Variants in TRAF3IP1 observed in about 807,000 individuals in gnomAD.
TRAF3IP1 encodes TRAF3-interacting protein 1.
A neutral mutation model predicts 89.9 loss-of-function variants in TRAF3IP1; 53 were observed. The ratio of observed to expected loss-of-function variants is 0.59; its 90% CI spans 0.47 to 0.74. TRAF3IP1 has a LOEUF of 0.74. Among genes scored for constraint, TRAF3IP1 ranks in the 30% least tolerant of loss-of-function variants. TRAF3IP1 has a pLI of 0.00. For missense variants in TRAF3IP1, 806 were observed against 866.1 expected (o/e 0.93, Z 0.87); for synonymous variants, 311 against 322.1 (o/e 0.97, Z 0.37).
intron 15 of TRAF3IP1, among the ~76,000 whole-genome samples, chr2:238,390,240 G>T (rs760524424): frequency 5.3e-5 from 8 of 152,166 alleles, no homozygotes; most frequent in Non-Finnish European, 8.8e-5. Context: ...CCATGGTGAG[G>T]GTGCCACAAA....
Position 238,400,317 on chromosome 2 carries a change from A to G in TRAF3IP1, c.*1398A>G, listed in dbSNP as rs906202970. ...CACCGTGTTGACCAGGATGGTCTCCACCTCCTGACCTCGTGATCCGCCTGC... is the reference window on the plus strand; with the variant it reads ...CACCGTGTTGACCAGGATGGTCTCCGCCTCCTGACCTCGTGATCCGCCTGC... On this transcript the variant is annotated 3_prime_UTR_variant, in exon 17 of 17. Coordinates refer to ENST00000373327, the MANE Select transcript of TRAF3IP1 (RefSeq NM_015650.4). 1.3e-5 allele frequency: 2 copies of G among 151,978 alleles called. No individual in the cohort carries two copies. The highest frequency in any genetic ancestry group is 1.9e-4 in the East Asian group (1 of 5,178). The allele number at this position is 151,978 out of a possible 1,614,324, so 9.4% of individuals were successfully genotyped here. A position where few individuals can be genotyped will look rare whatever the true frequency, so the allele number is the denominator to read the frequency against.
chr2:238,365,131 TTAAA>T (rs1699820337), intron 15 of TRAF3IP1, among the ~76,000 whole-genome samples: 2 of 152,366 alleles, frequency 1.3e-5, no homozygotes, highest in African/African-American at 4.8e-5. Flanking sequence ...GATTTGAGTC[TTAAA>T]TTATTTCACT....
chr2:238,336,689 C>G (rs1698404370), intron 7 of TRAF3IP1, among the ~76,000 whole-genome samples: 1 of 152,140 alleles, frequency 6.6e-6, no homozygotes, highest in South Asian at 2.1e-4. Flanking sequence ...TGTTTGTTAA[C>G]TGCTTTACAT....
At position 238,350,848 on chromosome 2, in the gene TRAF3IP1, A is replaced by G. The variant is rs147097265; in HGVS notation, c.1451+1440A>G. 4.6e-3 allele frequency among the ~76,000 whole-genome samples: 698 copies of G among 152,066 alleles called. 5 individuals are homozygous for G. Among genetic ancestry groups the G allele is most frequent in the African/African-American group, 0.015 (632 of 41,448 alleles). On this transcript the variant is annotated intron_variant, in intron 12 of 16. Coordinates refer to ENST00000373327, the MANE Select transcript of TRAF3IP1 (RefSeq NM_015650.4). ...ACAGGCACTGGGGGGCACAGGCTGT[A>G]TTAAACAGGGCTCGGCTGTGCCAAG... is the stretch of plus-strand genomic sequence containing the variant.
rs139762062 is a variant in TRAF3IP1 at position 238,330,346 on chromosome 2, C to T, written c.915+1004C>T. On this transcript the variant is annotated intron_variant, in intron 5 of 16. Transcript: ENST00000373327. ...TCCTGTTGGTTTCAAACTGTTTTCT[C>T]AATGTGTGAATTCTTTCTGGACCCA... Among the ~76,000 whole-genome samples the T allele has an allele frequency of 2.0e-5, 3 of 152,320 alleles. No homozygotes were observed. In the East Asian group the frequency reaches 5.8e-4, roughly 29 times the overall value.
At chr2:238,324,658 G>T (rs528971071) in intron 1 of TRAF3IP1, among the ~76,000 whole-genome samples, 3 of 152,210 alleles carry the variant, frequency 2.0e-5, no homozygotes, top group African/African-American at 7.2e-5. Context: ...AGGCTGGAGT[G>T]CAGTGGTACG....
intron 5 of TRAF3IP1, 144 bp downstream of exon 5, chr2:238,329,486 A>G (rs1017172905): frequency 4.0e-6 from 3 of 747,750 alleles, no homozygotes; most frequent in African/African-American, 1.8e-5. Flanking sequence ...TGGATTCTCA[A>G]TAGAAACCCA....
intron 3 of TRAF3IP1, among the ~76,000 whole-genome samples, chr2:238,327,985 A>G (rs1231249777): frequency 6.6e-6 from 1 of 152,174 alleles, no homozygotes; most frequent in African/African-American, 2.4e-5. Flanking sequence ...TATCCACTCA[A>G]CTGTCAATGG....
At chr2:238,390,205 G>A (rs565789719) in intron 15 of TRAF3IP1, among the ~76,000 whole-genome samples, 2 of 152,324 alleles carry the variant, frequency 1.3e-5, no homozygotes, top group African/African-American at 2.4e-5. Context: ...GCCTAACTTG[G>A]AGAAACTGCC....
intron 12 of TRAF3IP1, among the ~76,000 whole-genome samples, chr2:238,349,960 A>G (rs1382004102): frequency 6.6e-6 from 1 of 152,092 alleles, no homozygotes; most frequent in South Asian, 2.1e-4. Flanking sequence ...AGTCCCAGCT[A>G]CTCAGGAGGC....
intron 15 of TRAF3IP1, among the ~76,000 whole-genome samples, chr2:238,378,993 C>G (rs1465493641): frequency 6.6e-6 from 1 of 152,212 alleles, no homozygotes; most frequent in African/African-American, 2.4e-5. Context: ...TTGGTGCCCT[C>G]TGTGGGACTC....
chr2:238,336,836 A>G (rs1162757490), intron 7 of TRAF3IP1, among the ~76,000 whole-genome samples: 2 of 152,204 alleles, frequency 1.3e-5, no homozygotes, highest in African/African-American at 2.4e-5. Flanking sequence ...AAGAAGGAAC[A>G]TAGCATGAAA....
intron 9 of TRAF3IP1, 52 bp from the exon 10 acceptor site, chr2:238,347,399 TAATG>T: frequency 6.3e-7 from 1 of 1,588,492 alleles, no homozygotes; most frequent in East Asian, 2.2e-5. Flanking sequence ...TCTCATCATT[TAATG>T]TATTGAGGTT....
chr2:238,396,364 A>C (rs1430325011), intron 15 of TRAF3IP1, among the ~76,000 whole-genome samples: 7 of 112,910 alleles, frequency 6.2e-5, no homozygotes, highest in Non-Finnish European at 8.3e-5. Flanking sequence ...GAACATCACA[A>C]TCCGGGGCCT....
rs568624946 is a variant in TRAF3IP1 at position 238,399,539 on chromosome 2, G to A, written c.*620G>A. On this transcript the variant is annotated 3_prime_UTR_variant, in exon 17 of 17. Coordinates refer to ENST00000373327, the MANE Select transcript of TRAF3IP1 (RefSeq NM_015650.4). Reference sequence around the variant, plus strand: ...AATTTTCCTCTTGATCTCTACTATCGTTTGCTTGTGTTTCTAGTCCTTAAA... The same window carrying A: ...AATTTTCCTCTTGATCTCTACTATCATTTGCTTGTGTTTCTAGTCCTTAAA... 3 of 151,936 alleles carry A rather than the reference G, an allele frequency of 2.0e-5. No homozygotes were observed. The highest frequency in any genetic ancestry group is 7.2e-5 in the African/African-American group (3 of 41,430). 9.4% of individuals were successfully genotyped at this position (151,936 alleles called of 1,614,324 possible).
At position 238,351,693 on chromosome 2, in the gene TRAF3IP1, A is replaced by G. The variant is rs894968095; in HGVS notation, c.1452-1134A>G. On this transcript the variant is annotated intron_variant, in intron 12 of 16. Coordinates refer to ENST00000373327, the MANE Select transcript of TRAF3IP1 (RefSeq NM_015650.4). The surrounding 1 kb of genome is among the most constrained non-coding windows in gnomAD (Gnocchi z 5.2). ...GAGGTTGGTCCTGGCGGAGCCACAC[A>G]GGTGGTTGTTGAGTGTCTCAAGGAC... Among the ~76,000 whole-genome samples, 6 of 152,240 alleles carry G rather than the reference A, an allele frequency of 3.9e-5. No individual in the cohort carries two copies. Among genetic ancestry groups the G allele is most frequent in the Admixed American group, 3.3e-4 (5 of 15,306 alleles).
intron 15 of TRAF3IP1, among the ~76,000 whole-genome samples, chr2:238,365,184 T>C (rs530822035): frequency 6.6e-6 from 1 of 152,314 alleles, no homozygotes; most frequent in East Asian, 1.9e-4. Flanking sequence ...CTTTTTTTGG[T>C]AGGTAGATGG....
At chr2:238,331,695 T>A (rs1363616409) in intron 5 of TRAF3IP1, among the ~76,000 whole-genome samples, 2 of 152,180 alleles carry the variant, frequency 1.3e-5, no homozygotes. Context: ...TGGGGGCTTC[T>A]TCATTGAGCC....
intron 15 of TRAF3IP1, among the ~76,000 whole-genome samples, chr2:238,366,603 C>A (rs934412059): frequency 6.6e-6 from 1 of 152,112 alleles, no homozygotes; most frequent in Admixed American, 6.5e-5. Flanking sequence ...TTTATTTTTA[C>A]TGAAAATGTC....
Sources: allele counts gnomAD v4.1 joint callset (sites outside exome capture counted in the v4.1 genomes callset), GRCh38; gene constraint gnomAD v4.1.1; non-coding constraint Gnocchi (gnomAD v3.1); transcripts MANE v1.5; gene names NCBI Gene and HGNC (gene_info 2026-07-23, HGNC 2026-07-21).